SENP6: variants seen among roughly 807,000 people sequenced by gnomAD.
The protein encoded by SENP6 is SUMO specific peptidase 6, also known as sentrin-specific protease 6.
A neutral mutation model predicts 134.5 loss-of-function variants in SENP6; 41 were observed. The observed-to-expected ratio is 0.30, with a 90% CI of 0.24 to 0.40. The LOEUF (loss-of-function observed/expected upper bound fraction) is 0.40, where lower values mean the gene tolerates loss of function less well. SENP6 is among the 10% of genes least tolerant of loss of function. The probability of loss-of-function intolerance (pLI) is 1.00; values close to 1 mark genes in which losing one functional copy is unlikely to be tolerated. For missense variants in SENP6, 1,248 were observed against 1,312.5 expected, an observed-to-expected ratio of 0.95 and a Z score of 0.76; for synonymous variants, 395 against 429.8, an observed-to-expected ratio of 0.92 and a Z score of 1.00.
At chr6:75,694,367 T>C (rs1202611633) in intron 16 of SENP6, among the ~76,000 whole-genome samples, 2 of 152,264 alleles carry the variant, frequency 1.3e-5, no homozygotes, top group Non-Finnish European at 2.9e-5. Flanking sequence ...AAAAATACTA[T>C]GCTGCTGGAT....
At chr6:75,627,880 T>C (rs1010019250) in intron 3 of SENP6, among the ~76,000 whole-genome samples, 12 of 151,974 alleles carry the variant, frequency 7.9e-5, no homozygotes, top group African/African-American at 1.7e-4. Context: ...GGTTTCACCA[T>C]GTGAGGCTGG....
chr6:75,619,281 T>C (rs1768084966), intron 1 of SENP6, among the ~76,000 whole-genome samples: 1 of 152,222 alleles, frequency 6.6e-6, no homozygotes, highest in Non-Finnish European at 1.5e-5. Context: ...TTTCTGTCTC[T>C]ATGAATTTAC....
At position 75,638,492 on chromosome 6, in the gene SENP6, TATA is replaced by T. The variant is rs568328093; in HGVS notation, c.459-2189_459-2187del. ...ACCATGACTTGTTAATCAGATACAT[TATA>T]ATGAATGCATTTTTTCTCAAGGATA... On this transcript the variant is annotated intron_variant, in intron 5 of 23. Transcript: ENST00000447266. Among the ~76,000 whole-genome samples the T allele has an allele frequency of 8.3e-4, 123 of 148,348 alleles. 1 individual carries two copies. Among genetic ancestry groups the T allele is most frequent in the African/African-American group, 2.7e-3 (111 of 40,534 alleles).
chr6:75,702,802 CA>C lies in SENP6; in HGVS notation c.2450del (p.Asn817ThrfsTer7), dbSNP rs1286080913. 1.2e-6 allele frequency: 2 copies of C among 1,614,006 alleles called. No individual in the cohort carries two copies. The highest frequency in any genetic ancestry group is 1.7e-5 in the Admixed American group (1 of 60,010). On this transcript the variant is annotated frameshift_variant, in exon 19 of 24. Transcript: ENST00000447266. LOFTEE classifies it high-confidence loss of function. ...AGCCAGTGAAATGGAGAGTTGTTCA[CA>C]AAACTCTTCTGCCAAGCCTGTAATT... ...SSASEMESCS[Q>X]NSSAKPVIKK... is the part of the protein sequence containing the mutation.
At chr6:75,628,859 A>G (rs1388916557) in intron 3 of SENP6, among the ~76,000 whole-genome samples, 3 of 152,080 alleles carry the variant, frequency 2.0e-5, no homozygotes, top group African/African-American at 7.2e-5. Flanking sequence ...AGCTGGGACT[A>G]CAGGTGCCTG....
intron 1 of SENP6, among the ~76,000 whole-genome samples, chr6:75,607,837 C>A (rs1032908349): frequency 3.3e-5 from 5 of 152,148 alleles, no homozygotes; most frequent in African/African-American, 7.2e-5. Context: ...TATATAAACT[C>A]ATTGCAGAAC....
At chr6:75,621,730 G>A in intron 2 of SENP6, 105 bp downstream of exon 2, 4 of 638,800 alleles carry the variant, frequency 6.3e-6, no homozygotes, top group African/African-American at 2.0e-5. Flanking sequence ...GTATTCTTAA[G>A]AAAACATATA....
At position 75,685,860 on chromosome 6, in the gene SENP6, A is replaced by G. The variant is rs1439811868; in HGVS notation, c.2075+6933A>G. Among the ~76,000 whole-genome samples the G allele has an allele frequency of 2.6e-5, 4 of 152,206 alleles. No homozygotes were observed. In the East Asian group the frequency reaches 7.7e-4, roughly 29 times the overall value. On this transcript the variant is annotated intron_variant, in intron 16 of 23. Transcript: ENST00000447266. The stretch of plus-strand genomic sequence containing the variant: ...TAAGTGCGATGTGGTGCTGAGAAGA[A>G]TGTATATTCTGTTGATTTGGGGTGG...
chr6:75,710,187 AT>A (rs577816765), intron 20 of SENP6, among the ~76,000 whole-genome samples: 2,399 of 149,046 alleles, frequency 0.016, 37 homozygotes, highest in Middle Eastern at 0.048. Flanking sequence ...TTTTCCAGTT[AT>A]TTTTTTTTCT....
chr6:75,703,634 C>T (rs555372931), intron 19 of SENP6, among the ~76,000 whole-genome samples: 1 of 152,200 alleles, frequency 6.6e-6, no homozygotes, highest in East Asian at 1.9e-4. Context: ...TGGTGGTGCC[C>T]ATCGGTGGTC....
chr6:75,709,675 T>G (rs747531906), intron 20 of SENP6, 45 bp downstream of exon 20: 1 of 1,442,300 alleles, frequency 6.9e-7, no homozygotes. Context: ...TTTATCTAAT[T>G]AAAAGTTTTT....
At chr6:75,608,419 A>G (rs935682566) in intron 1 of SENP6, among the ~76,000 whole-genome samples, 2 of 152,040 alleles carry the variant, frequency 1.3e-5, no homozygotes, top group Admixed American at 6.6e-5. Flanking sequence ...AATTCATGAC[A>G]CTGCACTTCA....
chr6:75,662,015 G>A (rs1771816177), intron 8 of SENP6, among the ~76,000 whole-genome samples: 1 of 152,142 alleles, frequency 6.6e-6, no homozygotes, highest in Admixed American at 6.6e-5. Context: ...TTGCGCCATT[G>A]CACTCCAGCC....
intron 16 of SENP6, among the ~76,000 whole-genome samples, chr6:75,689,930 T>C (rs995140530): frequency 6.6e-6 from 1 of 152,212 alleles, no homozygotes; most frequent in African/African-American, 2.4e-5. Context: ...AGCGTCTTTT[T>C]GTTTTGAGTT....
chr6:75,622,871 T>A (rs1768382054), intron 2 of SENP6: 1 of 1,160,778 alleles, frequency 8.6e-7, no homozygotes, highest in South Asian at 1.3e-5. Flanking sequence ...AAGTCTCTCA[T>A]TTAAAGTCAG....
At chr6:75,686,060 T>A (rs1773820317) in intron 16 of SENP6, among the ~76,000 whole-genome samples, 1 of 152,210 alleles carries the variant, frequency 6.6e-6, no homozygotes, top group South Asian at 2.1e-4. Flanking sequence ...CAGAACTTGC[T>A]TTATGAATCT....
At chr6:75,673,405 C>T (rs1772838801) in intron 11 of SENP6, among the ~76,000 whole-genome samples, 1 of 148,308 alleles carries the variant, frequency 6.7e-6, no homozygotes, top group Non-Finnish European at 1.5e-5. Flanking sequence ...CTCACTGCAG[C>T]CTCCACCTCA....
intron 7 of SENP6, among the ~76,000 whole-genome samples, chr6:75,649,491 C>CT (rs1770704684): frequency 6.6e-6 from 1 of 152,102 alleles, no homozygotes; most frequent in South Asian, 2.1e-4. Context: ...ATTTACTGTT[C>CT]TTTTAACTTG....
rs371436730 is a variant in SENP6, at chr6:75,663,241, A to G, written c.717A>G (p.Arg239=). ...THLEDLQRNC[R]QAITLNESTG... ...CTAAGGATTTGCAAAGAAATTGCAGACAAGCTATTACTTTGAATGAGTCTA... is the reference window on the plus strand; with the variant it reads ...CTAAGGATTTGCAAAGAAATTGCAGGCAAGCTATTACTTTGAATGAGTCTA... Residue 239 remains arginine, a synonymous_variant, in exon 9 of 24, where the codon AGA becomes AGG. Coordinates refer to ENST00000447266, the MANE Select transcript of SENP6 (RefSeq NM_015571.4). The G allele has an allele frequency of 4.3e-6, 7 of 1,610,136 alleles. No individual in the cohort carries two copies. Among genetic ancestry groups the G allele is most frequent in the Non-Finnish European group, 5.9e-6 (7 of 1,179,132 alleles).
Sources: allele counts gnomAD v4.1 joint callset (sites outside exome capture counted in the v4.1 genomes callset), GRCh38; gene constraint gnomAD v4.1.1; transcripts MANE v1.5; gene names NCBI Gene and HGNC (gene_info 2026-07-23, HGNC 2026-07-21).